PLCB1: variants seen among roughly 807,000 people sequenced by gnomAD.
PLCB1 encodes the protein 1-phosphatidylinositol 4,5-bisphosphate phosphodiesterase beta-1.
Under a neutral mutation model 161.8 loss-of-function variants are expected in PLCB1, and 46 were observed. That is an observed-to-expected ratio of 0.28 (90% confidence interval 0.22 to 0.36). The LOEUF (loss-of-function observed/expected upper bound fraction) is 0.36. Among genes scored for constraint, PLCB1 ranks in the 10% least tolerant of loss-of-function variants. PLCB1 has a pLI of 1.00. For missense variants in PLCB1, 1,016 were observed against 1,472.5 expected, an observed-to-expected ratio of 0.69 and a Z score of 5.07; for synonymous variants, 517 against 503.7, an observed-to-expected ratio of 1.03 and a Z score of -0.35.
chr20:8,650,631 G>A (rs780174332), intron 7 of PLCB1, among the ~76,000 whole-genome samples: 6 of 152,240 alleles, frequency 3.9e-5, no homozygotes, highest in Non-Finnish European at 7.4e-5. Context: ...AAGAACCCTC[G>A]CAGGCTAAGC....
intron 2 of PLCB1, among the ~76,000 whole-genome samples, chr20:8,314,693 A>G (rs1199067818): frequency 6.6e-6 from 1 of 152,216 alleles, no homozygotes; most frequent in African/African-American, 2.4e-5. Context: ...ACTATTTTTT[A>G]TTAAGTAGTG....
intron 3 of PLCB1, among the ~76,000 whole-genome samples, chr20:8,385,037 A>G (rs1289654145): frequency 6.6e-6 from 1 of 152,208 alleles, no homozygotes; most frequent in Non-Finnish European, 1.5e-5. Context: ...CATTTAATGA[A>G]GCACTTTGAC....
At position 8,283,813 on chromosome 20, in the gene PLCB1, A is replaced by G. The variant is rs371385755; in HGVS notation, c.178-87569A>G. Among the ~76,000 whole-genome samples, 4 of 151,958 alleles carry G rather than the reference A, an allele frequency of 2.6e-5. No homozygotes were observed. In the East Asian group the frequency reaches 7.7e-4, roughly 29 times the overall value. On this transcript the variant is annotated intron_variant, in intron 2 of 31. Coordinates refer to ENST00000338037, the MANE Select transcript of PLCB1 (RefSeq NM_015192.4). ...ATGGCCTCTTATTGTTTTGATATCT[A>G]TTTCTTTGTGAACAACATAGAATCT... is the stretch of plus-strand genomic sequence containing the variant.
At chr20:8,394,965 A>G (rs945462242) in intron 3 of PLCB1, among the ~76,000 whole-genome samples, 5 of 152,278 alleles carry the variant, frequency 3.3e-5, no homozygotes, top group African/African-American at 1.2e-4. Context: ...GACTATTTCA[A>G]GATTTGTAAT....
intron 3 of PLCB1, among the ~76,000 whole-genome samples, chr20:8,454,566 G>C (rs959717801): frequency 2.0e-5 from 3 of 152,182 alleles, no homozygotes; most frequent in Non-Finnish European, 4.4e-5. Flanking sequence ...ATGACGAATG[G>C]AAAGAAACGA....
In PLCB1 at chr20:8,665,731, G is replaced by A. The variant is rs554766150; in HGVS notation, c.862+7027G>A. Among the ~76,000 whole-genome samples the A allele has an allele frequency of 7.9e-5, 12 of 152,098 alleles. No individual in the cohort carries two copies. The East Asian group carries it at 1.2e-3, about 15-fold the overall frequency. On this transcript the variant is annotated intron_variant, in intron 9 of 31. Coordinates refer to ENST00000338037, the MANE Select transcript of PLCB1 (RefSeq NM_015192.4). ...AATCATATTTTTCCAGCACCATTTC[G>A]CTTTACTAGGTAGAAGTTATAAAAA... is the stretch of plus-strand genomic sequence containing the variant.
intron 2 of PLCB1, among the ~76,000 whole-genome samples, chr20:8,289,701 C>T (rs1397082653): frequency 6.6e-6 from 1 of 152,046 alleles, no homozygotes; most frequent in Non-Finnish European, 1.5e-5. Context: ...ACAATGCATC[C>T]CTCTGGTGGA....
At chr20:8,223,238 GC>G (rs1979508785) in intron 2 of PLCB1, among the ~76,000 whole-genome samples, 2 of 152,096 alleles carry the variant, frequency 1.3e-5, no homozygotes, top group South Asian at 4.1e-4. Context: ...CAGATAAACT[GC>G]CAAAACCCAG....
intron 31 of PLCB1, among the ~76,000 whole-genome samples, chr20:8,879,299 A>G (rs1225405854): frequency 1.7e-5 from 1 of 60,244 alleles, no homozygotes; most frequent in Non-Finnish European, 3.5e-5. Flanking sequence ...TTGATGTGAA[A>G]AAAAAAAAAA....
At chr20:8,351,110 C>T (rs531693745) in intron 2 of PLCB1, among the ~76,000 whole-genome samples, 1 of 151,836 alleles carries the variant, frequency 6.6e-6, no homozygotes, top group Admixed American at 6.6e-5. Flanking sequence ...TATAAAGCTA[C>T]AATAATCAAG....
intron 3 of PLCB1, among the ~76,000 whole-genome samples, chr20:8,475,302 G>T (rs755070912): frequency 6.6e-6 from 1 of 151,976 alleles, no homozygotes; most frequent in Non-Finnish European, 1.5e-5. Flanking sequence ...AGATACCCTG[G>T]CAGCCGAGAG....
intron 3 of PLCB1, among the ~76,000 whole-genome samples, chr20:8,393,916 A>G (rs1057038594): frequency 1.3e-5 from 2 of 152,168 alleles, no homozygotes; most frequent in African/African-American, 4.8e-5. Context: ...TTCTTAGGTG[A>G]TCTAAACCAG....
intron 3 of PLCB1, among the ~76,000 whole-genome samples, chr20:8,443,587 C>T (rs761913316): frequency 2.0e-5 from 3 of 152,172 alleles, no homozygotes; most frequent in Non-Finnish European, 4.4e-5. Flanking sequence ...CTCCTTACCC[C>T]AGAAAGCTGC....
At chr20:8,352,988 G>A (rs1986230832) in intron 2 of PLCB1, among the ~76,000 whole-genome samples, 1 of 152,104 alleles carries the variant, frequency 6.6e-6, no homozygotes, top group Non-Finnish European at 1.5e-5. Flanking sequence ...TCCAAACTGG[G>A]TTCTTGAAGA....
At chr20:8,493,461 G>C (rs949274997) in intron 3 of PLCB1, among the ~76,000 whole-genome samples, 1 of 152,192 alleles carries the variant, frequency 6.6e-6, no homozygotes, top group Non-Finnish European at 1.5e-5. Flanking sequence ...TTAATTTTAT[G>C]GTAGGTTTCA....
intron 2 of PLCB1, among the ~76,000 whole-genome samples, chr20:8,338,364 G>C (rs1029425523): frequency 2.6e-5 from 4 of 152,086 alleles, no homozygotes; most frequent in African/African-American, 9.7e-5. Flanking sequence ...ACATTAATGG[G>C]AGGAATGTCT....
chr20:8,393,303 A>G (rs1193581963), intron 3 of PLCB1, among the ~76,000 whole-genome samples: 1 of 151,994 alleles, frequency 6.6e-6, no homozygotes, highest in Non-Finnish European at 1.5e-5. Flanking sequence ...TTTTTTCCTC[A>G]GGTATATAGA....
intron 3 of PLCB1, among the ~76,000 whole-genome samples, chr20:8,395,532 A>G (rs73591767): frequency 0.032 from 4,847 of 152,166 alleles, 103 homozygotes; most frequent in African/African-American, 0.059. Flanking sequence ...TAAATTATCT[A>G]TACATAATAT....
chr20:8,260,785 T>C (rs1325664588), intron 2 of PLCB1, among the ~76,000 whole-genome samples: 1 of 152,136 alleles, frequency 6.6e-6, no homozygotes, highest in Non-Finnish European at 1.5e-5. Flanking sequence ...CTATAACTTC[T>C]ATACCCAAGG....
Sources: gnomAD v4.1 joint callset for allele counts (sites outside exome capture counted in the v4.1 genomes callset) on GRCh38, gnomAD v4.1.1 for gene constraint, MANE v1.5 for transcripts, NCBI Gene and HGNC (gene_info 2026-07-23, HGNC 2026-07-21) for gene names.